Variants in ADGRB3 observed in about 807,000 individuals in gnomAD.
ADGRB3 encodes adhesion G protein-coupled receptor B3, also known as brain-specific angiogenesis inhibitor 3.
A neutral mutation model predicts 193.4 loss-of-function variants in ADGRB3; 37 were observed. The observed-to-expected ratio is 0.19, with a 90% CI of 0.15 to 0.25. The LOEUF (loss-of-function observed/expected upper bound fraction) is 0.25, where lower values mean the gene tolerates loss of function less well. Among genes scored for constraint, ADGRB3 ranks in the 10% least tolerant of loss-of-function variants. The probability of loss-of-function intolerance (pLI) is 1.00; values close to 1 mark genes in which losing one functional copy is unlikely to be tolerated. For missense variants in ADGRB3, 1,637 were observed against 1,852.9 expected (o/e 0.88, Z 2.14); for synonymous variants, 690 against 644.2 (o/e 1.07, Z -1.08).
At chr6:68,939,637 A>G (rs112201577) in intron 5 of ADGRB3, among the ~76,000 whole-genome samples, 11,306 of 152,236 alleles carry the variant, frequency 0.074, 586 homozygotes, top group Middle Eastern at 0.21. Context: ...TCATCTGGTT[A>G]TGGTATTTGT....
intron 17 of ADGRB3, among the ~76,000 whole-genome samples, chr6:69,090,461 A>G (rs962691930): frequency 6.6e-6 from 1 of 152,248 alleles, no homozygotes; most frequent in African/African-American, 2.4e-5. Context: ...TCAAATAAAT[A>G]ACAACCATAG....
At chr6:69,292,955 G>T (rs1767722771) in intron 20 of ADGRB3, among the ~76,000 whole-genome samples, 1 of 148,538 alleles carries the variant, frequency 6.7e-6, no homozygotes, top group Admixed American at 6.8e-5. Flanking sequence ...GCTTAGAGCA[G>T]CTGCATCTCC....
chr6:69,127,412 G>A (rs1443979173), intron 17 of ADGRB3, among the ~76,000 whole-genome samples: 2 of 152,174 alleles, frequency 1.3e-5, no homozygotes, highest in Non-Finnish European at 2.9e-5. Context: ...ATCATTTCCT[G>A]CTTATTGTCC....
At chr6:69,033,607 A>AT (rs1247013224) in intron 13 of ADGRB3, among the ~76,000 whole-genome samples, 1 of 152,080 alleles carries the variant, frequency 6.6e-6, no homozygotes, top group Non-Finnish European at 1.5e-5. Context: ...AGTTTAGCAT[A>AT]TTTTTTTAAT....
intron 17 of ADGRB3, among the ~76,000 whole-genome samples, chr6:69,166,044 C>T (rs561391802): frequency 7.2e-4 from 109 of 152,096 alleles, no homozygotes; most frequent in Middle Eastern, 3.4e-3. Flanking sequence ...CTACTCTTAC[C>T]GTTGTACTCA....
chr6:69,352,585 G>A (rs1472953372), intron 26 of ADGRB3, among the ~76,000 whole-genome samples: 1 of 152,208 alleles, frequency 6.6e-6, no homozygotes, highest in Non-Finnish European at 1.5e-5. Context: ...ATTAGGACCG[G>A]AGGTGGAGAA....
At chr6:69,325,175 T>C (rs1768541333) in intron 21 of ADGRB3, among the ~76,000 whole-genome samples, 153 bp downstream of exon 21, 1 of 152,078 alleles carries the variant, frequency 6.6e-6, no homozygotes, top group South Asian at 2.1e-4. Context: ...TGAACATTCA[T>C]TGGTCATTTG....
intron 13 of ADGRB3, among the ~76,000 whole-genome samples, chr6:69,021,305 C>T (rs929073627): frequency 6.6e-6 from 1 of 151,816 alleles, no homozygotes; most frequent in African/African-American, 2.4e-5. Context: ...GTATAGCTGC[C>T]TCACTTTTCT....
chr6:69,271,812 T>A (rs998566063), intron 20 of ADGRB3, among the ~76,000 whole-genome samples: 1 of 152,160 alleles, frequency 6.6e-6, no homozygotes, highest in Non-Finnish European at 1.5e-5. Flanking sequence ...TTATTCAGAT[T>A]TTTTGTTTTA....
intron 3 of ADGRB3, among the ~76,000 whole-genome samples, chr6:68,806,270 T>C (rs1426318123): frequency 1.3e-5 from 2 of 152,222 alleles, no homozygotes; most frequent in Non-Finnish European, 2.9e-5. Context: ...CCATTCCAGA[T>C]AACTTTTATA....
chr6:68,963,902 TCTC>T (rs1768305584), intron 8 of ADGRB3, among the ~76,000 whole-genome samples: 1 of 152,166 alleles, frequency 6.6e-6, no homozygotes, highest in African/African-American at 2.4e-5. Flanking sequence ...AACTATCTGT[TCTC>T]AGCCTTCTGA....
intron 13 of ADGRB3, among the ~76,000 whole-genome samples, chr6:69,028,990 G>T (rs1459522068): frequency 6.6e-6 from 1 of 152,130 alleles, no homozygotes; most frequent in African/African-American, 2.4e-5. Flanking sequence ...GGTGAGAGGG[G>T]TACCCACATA....
chr6:69,279,652 T>G (rs2127284649), intron 20 of ADGRB3, among the ~76,000 whole-genome samples: 1 of 152,248 alleles, frequency 6.6e-6, no homozygotes, highest in Middle Eastern at 3.4e-3. Context: ...ATTGTCAAGA[T>G]TAATACCTGT....
intron 3 of ADGRB3, among the ~76,000 whole-genome samples, chr6:68,728,479 CT>C (rs1345906726): frequency 6.6e-6 from 1 of 151,512 alleles, no homozygotes; most frequent in South Asian, 2.1e-4. Context: ...CACACAGAGA[CT>C]AATTTCCTTT....
chr6:68,946,059 T>G (rs574802567), intron 6 of ADGRB3, among the ~76,000 whole-genome samples: 1 of 152,236 alleles, frequency 6.6e-6, no homozygotes, highest in East Asian at 1.9e-4. Context: ...CCTTGAGTAC[T>G]TAAACGTATC....
At chr6:68,777,073 G>T (rs1766761059) in intron 3 of ADGRB3, among the ~76,000 whole-genome samples, 3 of 152,078 alleles carry the variant, frequency 2.0e-5, no homozygotes, top group Non-Finnish European at 2.9e-5. Context: ...CAATGTGCAA[G>T]ATTTGCTTCT....
At chr6:68,841,228 A>T (rs988785980) in intron 3 of ADGRB3, among the ~76,000 whole-genome samples, 2 of 152,142 alleles carry the variant, frequency 1.3e-5, no homozygotes, top group African/African-American at 4.8e-5. Context: ...CATCAGATTT[A>T]CTCTTCATGA....
chr6:68,896,656 G>C lies in ADGRB3; in HGVS notation c.758-33903G>C, dbSNP rs984937192. 1.7e-4 allele frequency among the ~76,000 whole-genome samples: 26 copies of C among 152,066 alleles called. 1 individual carries two copies. Among genetic ancestry groups the C allele is most frequent in the African/African-American group, 6.3e-4 (26 of 41,420 alleles). ...CTTGCTTGAGAAGCAGAAAGCGTAT[G>C]GGGAAAGGAAAGAATCAATTAGGGG... On this transcript the variant is annotated intron_variant, in intron 3 of 31. Transcript: ENST00000370598.
intron 3 of ADGRB3, among the ~76,000 whole-genome samples, chr6:68,850,435 G>C (rs1428512087): frequency 6.6e-6 from 1 of 151,780 alleles, no homozygotes; most frequent in African/African-American, 2.4e-5. Flanking sequence ...CTCTTGCATT[G>C]TATGTTGGAA....
Sources: gnomAD v4.1 joint callset for allele counts (sites outside exome capture counted in the v4.1 genomes callset) on GRCh38, gnomAD v4.1.1 for gene constraint, MANE v1.5 for transcripts, NCBI Gene and HGNC (gene_info 2026-07-23, HGNC 2026-07-21) for gene names.